BCKDHB: variants seen among roughly 807,000 people sequenced by gnomAD.
BCKDHB encodes the protein 2-oxoisovalerate dehydrogenase subunit beta, mitochondrial.
BCKDHB carries 41 observed loss-of-function variants against 48.5 expected under a neutral mutation model. That is an observed-to-expected ratio of 0.85 (90% confidence interval 0.66 to 1.10). The LOEUF (loss-of-function observed/expected upper bound fraction) is 1.10, where lower values mean the gene tolerates loss of function less well. Among genes scored for constraint, BCKDHB ranks in the 50% least tolerant of loss-of-function variants. The pLI is 0.00. For synonymous variants in BCKDHB, 201 were observed against 174.8 expected (o/e 1.15, Z -1.18); for missense variants, 496 against 494.2 (o/e 1.00, Z -0.03).
chr6:80,196,988 G>A (rs1774160019), intron 6 of BCKDHB, among the ~76,000 whole-genome samples: 1 of 152,128 alleles, frequency 6.6e-6, no homozygotes, highest in Non-Finnish European at 1.5e-5. Flanking sequence ...GTTTCTCTGA[G>A]GAATGCTTAT....
chr6:80,121,262 G>C (rs1020598115), intron 1 of BCKDHB, among the ~76,000 whole-genome samples: 1 of 151,898 alleles, frequency 6.6e-6, no homozygotes, highest in Non-Finnish European at 1.5e-5. Context: ...TTTGGTTACT[G>C]TAGCCTTGTA....
At chr6:80,383,602 T>C in the BCKDHB span, among the ~76,000 whole-genome samples, 1 of 152,108 alleles carries the variant, frequency 6.6e-6, no homozygotes, top group East Asian at 1.9e-4. Context: ...AATGTGTCTT[T>C]ATAGTGTGAG....
At chr6:80,282,877 C>A (rs1207302583) in intron 9 of BCKDHB, among the ~76,000 whole-genome samples, 2 of 152,000 alleles carry the variant, frequency 1.3e-5, no homozygotes, top group Non-Finnish European at 2.9e-5. Flanking sequence ...TCTTTTAAAT[C>A]TTCCTAGTTG....
chr6:80,302,011 A>G (rs1213713931), intron 9 of BCKDHB, among the ~76,000 whole-genome samples: 1 of 152,104 alleles, frequency 6.6e-6, no homozygotes, highest in East Asian at 1.9e-4. Context: ...AAAACAATAA[A>G]AGCCATCTAT....
intron 1 of BCKDHB, among the ~76,000 whole-genome samples, chr6:80,118,309 GTAGTC>G (rs1262218146): frequency 1.3e-5 from 2 of 152,148 alleles, no homozygotes; most frequent in African/African-American, 2.4e-5. Context: ...ACATTGTACT[GTAGTC>G]TAGTAAGTGT....
chr6:80,298,884 C>T (rs1767405027), intron 9 of BCKDHB, among the ~76,000 whole-genome samples: 1 of 152,178 alleles, frequency 6.6e-6, no homozygotes, highest in Non-Finnish European at 1.5e-5. Context: ...TCTGGCAGTC[C>T]CATCAGCTCT....
chr6:80,265,675 AT>A (rs1356677876), intron 8 of BCKDHB, among the ~76,000 whole-genome samples: 1 of 152,126 alleles, frequency 6.6e-6, no homozygotes, highest in Non-Finnish European at 1.5e-5. Context: ...GAACTGTACA[AT>A]TAAAAATGAT....
the BCKDHB span, among the ~76,000 whole-genome samples, chr6:80,462,346 C>G: frequency 6.6e-6 from 1 of 152,142 alleles, no homozygotes; most frequent in Non-Finnish European, 1.5e-5. Flanking sequence ...ACATGGTAGG[C>G]ACTCAACAGA....
chr6:80,114,997 TAC>T (rs1769609846), intron 1 of BCKDHB, among the ~76,000 whole-genome samples: 1 of 152,260 alleles, frequency 6.6e-6, no homozygotes, highest in Admixed American at 6.5e-5. Flanking sequence ...TCTTCAACTT[TAC>T]AGTTTTGTTC....
intron 3 of BCKDHB, among the ~76,000 whole-genome samples, chr6:80,166,679 T>C (rs1772587946): frequency 6.6e-6 from 1 of 151,746 alleles, no homozygotes; most frequent in Non-Finnish European, 1.5e-5. Context: ...AATTCTAACA[T>C]AAGAATTTTT....
intron 7 of BCKDHB, among the ~76,000 whole-genome samples, chr6:80,202,337 G>C (rs1774435980): frequency 6.6e-6 from 1 of 151,956 alleles, no homozygotes; most frequent in African/African-American, 2.4e-5. Flanking sequence ...TCCATTTCTT[G>C]TTGCTCTTAT....
At chr6:80,211,174 G>A (rs560354029) in intron 8 of BCKDHB, among the ~76,000 whole-genome samples, 2 of 152,078 alleles carry the variant, frequency 1.3e-5, no homozygotes, top group African/African-American at 4.8e-5. Context: ...ACAAGGTCTA[G>A]GTGATTTTCA....
the BCKDHB span, among the ~76,000 whole-genome samples, chr6:80,360,931 G>A: frequency 6.7e-6 from 1 of 149,258 alleles, no homozygotes; most frequent in Non-Finnish European, 1.5e-5. Context: ...CTTTAACCAG[G>A]GAGGCGGAGG....
At chr6:80,225,661 A>G (rs774315108) in intron 8 of BCKDHB, among the ~76,000 whole-genome samples, 4 of 152,156 alleles carry the variant, frequency 2.6e-5, no homozygotes, top group Non-Finnish European at 5.9e-5. Context: ...AAAACTTTCA[A>G]TTTCACAAAA....
chr6:80,353,918 A>G, the BCKDHB span, among the ~76,000 whole-genome samples: 5 of 152,214 alleles, frequency 3.3e-5, no homozygotes, highest in Admixed American at 3.3e-4. Context: ...GTCTCATTTT[A>G]ATTTGCATTT....
At chr6:80,209,535 C>T (rs956543203) in intron 8 of BCKDHB, among the ~76,000 whole-genome samples, 2 of 151,874 alleles carry the variant, frequency 1.3e-5, no homozygotes, top group Non-Finnish European at 2.9e-5. Context: ...AACAGACCTG[C>T]TGGTTATCTG....
Position 80,212,272 on chromosome 6 carries a change from T to C in BCKDHB, c.951+9060T>C, listed in dbSNP as rs1325751669. Among the ~76,000 whole-genome samples the C allele has an allele frequency of 2.0e-5, 3 of 152,256 alleles. No homozygotes were observed. The East Asian group carries it at 5.8e-4, about 29-fold the overall frequency. ...AGACCAGGGCGTATCTCAGTCCTTATCTCAACTGCATAAGACAGACATTCC... is the reference window on the plus strand; with the variant it reads ...AGACCAGGGCGTATCTCAGTCCTTACCTCAACTGCATAAGACAGACATTCC... On this transcript the variant is annotated intron_variant, in intron 8 of 9. Transcript: ENST00000320393.
chr6:80,230,254 G>T (rs1313847598), intron 8 of BCKDHB, among the ~76,000 whole-genome samples: 1 of 151,264 alleles, frequency 6.6e-6, no homozygotes, highest in Non-Finnish European at 1.5e-5. Flanking sequence ...TAGCCAGGAT[G>T]GTCTCGATCT....
the BCKDHB span, among the ~76,000 whole-genome samples, chr6:80,388,730 G>A: frequency 5.3e-5 from 8 of 152,092 alleles, no homozygotes; most frequent in African/African-American, 1.9e-4. Flanking sequence ...TTCCCTAAAA[G>A]TTGACAGAGG....
Sources: allele counts gnomAD v4.1 joint callset (sites outside exome capture counted in the v4.1 genomes callset), GRCh38; gene constraint gnomAD v4.1.1; transcripts MANE v1.5; gene names NCBI Gene and HGNC (gene_info 2026-07-23, HGNC 2026-07-21).